Variants in ADAMTS19 observed in about 807,000 individuals in gnomAD.
ADAMTS19 encodes the protein A disintegrin and metalloproteinase with thrombospondin motifs 19.
In ADAMTS19, 93 loss-of-function variants were observed where a neutral mutation model predicts 153.3. The ratio of observed to expected loss-of-function variants is 0.61; its 90% CI spans 0.51 to 0.72. The LOEUF (loss-of-function observed/expected upper bound fraction) is 0.72. Ranked by LOEUF, ADAMTS19 falls within the 30% of genes least tolerant of loss-of-function variation. The probability of loss-of-function intolerance (pLI) is 0.00; values close to 1 mark genes in which losing one functional copy is unlikely to be tolerated. For missense variants in ADAMTS19, 1,482 were observed against 1,552.1 expected (o/e 0.95, Z 0.76); for synonymous variants, 600 against 556.6 (o/e 1.08, Z -1.10).
At chr5:129,643,626 T>C (rs1752926645) in intron 11 of ADAMTS19, among the ~76,000 whole-genome samples, 1 of 152,122 alleles carries the variant, frequency 6.6e-6, no homozygotes, top group Admixed American at 6.5e-5. Context: ...CCAAACTATT[T>C]TTGAAAAAAA....
intron 8 of ADAMTS19, among the ~76,000 whole-genome samples, chr5:129,611,368 C>G (rs111715877): frequency 7.6e-4 from 115 of 152,278 alleles, no homozygotes; most frequent in South Asian, 4.6e-3. Flanking sequence ...TTGCCCATGC[C>G]TATGTCCTGA....
chr5:129,514,878 G>A (rs1335361357), intron 3 of ADAMTS19, among the ~76,000 whole-genome samples: 3 of 152,058 alleles, frequency 2.0e-5, no homozygotes, highest in East Asian at 1.9e-4. Flanking sequence ...CAATGTCCTG[G>A]AGATTTTCCC....
At position 129,461,048 on chromosome 5, in the gene ADAMTS19, G is replaced by A. The variant is rs1749632876; in HGVS notation, c.92-54G>A. 2.3e-6 allele frequency: 3 copies of A among 1,299,878 alleles called. No individual in the cohort carries two copies. The highest frequency in any genetic ancestry group is 2.3e-5 in the South Asian group (1 of 42,570). The allele number at this position is 1,299,878 out of a possible 1,614,324, so 80.5% of individuals were successfully genotyped here. A position where few individuals can be genotyped will look rare whatever the true frequency, so the allele number is the denominator to read the frequency against. On this transcript the variant is annotated intron_variant, in intron 1 of 22. Transcript: ENST00000274487. The surrounding 1 kb of genome is among the most constrained non-coding windows in gnomAD (Gnocchi z 4.6). The stretch of plus-strand genomic sequence containing the variant: ...GGACTGTGAGCTTGGAAATGTTTGT[G>A]CTACTGGAACCGCGGCACTTTAAGC...
At chr5:129,505,900 C>T (rs1351873896) in intron 2 of ADAMTS19, among the ~76,000 whole-genome samples, 1 of 151,926 alleles carries the variant, frequency 6.6e-6, no homozygotes, top group African/African-American at 2.4e-5. Context: ...ATATGAAAAA[C>T]ACTTATATAC....
chr5:129,672,128 G>A (rs893065116), intron 16 of ADAMTS19, among the ~76,000 whole-genome samples: 4 of 152,118 alleles, frequency 2.6e-5, no homozygotes, highest in East Asian at 1.9e-4. Context: ...GCATACTGCC[G>A]ACTTCTAGCT....
At chr5:129,728,386 A>G (rs1270825337) in intron 21 of ADAMTS19, among the ~76,000 whole-genome samples, 3 of 151,972 alleles carry the variant, frequency 2.0e-5, no homozygotes, top group Non-Finnish European at 4.4e-5. Flanking sequence ...TTATACTTTA[A>G]GTTTTAGGGT....
intron 10 of ADAMTS19, among the ~76,000 whole-genome samples, chr5:129,633,930 G>A (rs1581168380): frequency 1.3e-5 from 2 of 152,032 alleles, no homozygotes; most frequent in South Asian, 4.1e-4. Flanking sequence ...CCGTCTTCAC[G>A]AGTCTATAAG....
intron 16 of ADAMTS19, among the ~76,000 whole-genome samples, chr5:129,671,972 G>A (rs1301685021): frequency 1.3e-5 from 2 of 152,140 alleles, no homozygotes; most frequent in African/African-American, 2.4e-5. Flanking sequence ...CTGTCATTTA[G>A]TCTCTTTGGG....
At chr5:129,616,365 G>A (rs562417054) in intron 8 of ADAMTS19, among the ~76,000 whole-genome samples, 1 of 151,798 alleles carries the variant, frequency 6.6e-6, no homozygotes, top group Non-Finnish European at 1.5e-5. Flanking sequence ...GCTTTAGTGG[G>A]AAATATTATG....
At chr5:129,581,232 A>G (rs893407251) in intron 7 of ADAMTS19, among the ~76,000 whole-genome samples, 1 of 151,400 alleles carries the variant, frequency 6.6e-6, no homozygotes. Flanking sequence ...TGAGGTATTT[A>G]TAGTATTCTT....
intron 8 of ADAMTS19, among the ~76,000 whole-genome samples, chr5:129,602,561 T>G (rs1750711383): frequency 6.6e-6 from 1 of 152,238 alleles, no homozygotes; most frequent in Non-Finnish European, 1.5e-5. Context: ...GATTGTCATT[T>G]TACAGATGAG....
chr5:129,502,296 G>A (rs1057211179), intron 2 of ADAMTS19, among the ~76,000 whole-genome samples: 10 of 152,052 alleles, frequency 6.6e-5, no homozygotes, highest in Non-Finnish European at 1.3e-4. Context: ...GTGATTTGGG[G>A]GTGGGGACTA....
chr5:129,568,903 A>G (rs2126859243), intron 7 of ADAMTS19, among the ~76,000 whole-genome samples: 1 of 152,190 alleles, frequency 6.6e-6, no homozygotes, highest in Admixed American at 6.5e-5. Context: ...GGATAACAGA[A>G]GAAAGGATAA....
chr5:129,620,813 T>A, intron 9 of ADAMTS19, 55 bp downstream of exon 9: 1 of 1,562,148 alleles, frequency 6.4e-7, no homozygotes, highest in Non-Finnish European at 8.7e-7. Flanking sequence ...TGCTGTTTCT[T>A]TTTACAAATA....
intron 11 of ADAMTS19, 132 bp from the exon 12 acceptor site, chr5:129,647,633 G>A: frequency 9.6e-7 from 1 of 1,037,346 alleles, no homozygotes; most frequent in Non-Finnish European, 1.4e-6. Flanking sequence ...CTTATTTTTG[G>A]TCTTTCCTAA....
intron 21 of ADAMTS19, among the ~76,000 whole-genome samples, chr5:129,729,941 G>T (rs1208422697): frequency 1.3e-5 from 2 of 152,018 alleles, no homozygotes; most frequent in Non-Finnish European, 2.9e-5. Context: ...ACATCAGAGT[G>T]AGCTCATCTT....
rs768742611 is a variant in ADAMTS19 at position 129,684,185 on chromosome 5, T to A, written c.2730T>A (p.Leu910=). ...HYEYTIPSDP[L]PENQSSKAPE... is the part of the protein sequence containing the mutation. ...AATACACTATCCCATCAGACCCTCT[T>A]CCAGAAAACCAGAGCTCTAAAGCAC... The change falls in exon 18 of 23, where the codon CTT becomes CTA. Residue 910 remains leucine (L), a synonymous_variant. Transcript: ENST00000274487. 45 of 1,614,016 alleles carry A rather than the reference T, an allele frequency of 2.8e-5. No individual in the cohort carries two copies. Among genetic ancestry groups the A allele is most frequent in the Non-Finnish European group, 3.7e-5 (44 of 1,180,040 alleles).
intron 19 of ADAMTS19, among the ~76,000 whole-genome samples, chr5:129,699,378 G>A (rs1755720988): frequency 6.9e-6 from 1 of 144,772 alleles, no homozygotes; most frequent in Non-Finnish European, 1.5e-5. Context: ...AGCCAAGATT[G>A]TACCATTGCA....
At chr5:129,493,943 A>G (rs1477958662) in intron 2 of ADAMTS19, among the ~76,000 whole-genome samples, 3 of 151,652 alleles carry the variant, frequency 2.0e-5, no homozygotes, top group African/African-American at 4.8e-5. Flanking sequence ...ATCACACCCT[A>G]GTTACATTTC....
Sources: allele counts gnomAD v4.1 joint callset (sites outside exome capture counted in the v4.1 genomes callset), GRCh38; gene constraint gnomAD v4.1.1; non-coding constraint Gnocchi (gnomAD v3.1); transcripts MANE v1.5; gene names NCBI Gene and HGNC (gene_info 2026-07-23, HGNC 2026-07-21).